RGPD3: variants seen among roughly 807,000 people sequenced by gnomAD.
RGPD3 encodes the protein RANBP2 like and GRIP domain containing 3.
A neutral mutation model predicts 154.5 loss-of-function variants in RGPD3; 62 were observed. The ratio of observed to expected loss-of-function variants is 0.40; its 90% CI spans 0.33 to 0.50. RGPD3 has a LOEUF of 0.50. Among genes scored for constraint, RGPD3 ranks in the 20% least tolerant of loss-of-function variants. The probability of loss-of-function intolerance (pLI) is 0.59; values close to 1 mark genes in which losing one functional copy is unlikely to be tolerated. For synonymous variants in RGPD3, 308 were observed against 607.0 expected (o/e 0.51, Z 7.24); for missense variants, 919 against 1,716.8 (o/e 0.54, Z 8.21).
At chr2:106,462,534 T>C (rs1678433809) in intron 1 of RGPD3, among the ~76,000 whole-genome samples, 1 of 151,420 alleles carries the variant, frequency 6.6e-6, no homozygotes, top group African/African-American at 2.4e-5. Flanking sequence ...CTGCCAAATA[T>C]CAAGAACTGA....
rs1274994185 is a variant in RGPD3, at chr2:106,403,869, C to G, written c.*1350G>C. ...GTTCTGTGTAACCAAAGTGCAAAGT[C>G]AGTTCCCCAGCTCAGAAAGAAAATT... is the stretch of plus-strand genomic sequence containing the variant. On this transcript the variant is annotated 3_prime_UTR_variant, in exon 23 of 23. Transcript: ENST00000409886. 6.6e-6 allele frequency among the ~76,000 whole-genome samples: 1 copy of G among 152,232 alleles called. No homozygotes were observed. The highest frequency in any genetic ancestry group is 6.5e-5 in the Admixed American group (1 of 15,288).
intron 9 of RGPD3, among the ~76,000 whole-genome samples, chr2:106,438,546 C>A (rs926675184): frequency 5.3e-5 from 8 of 150,712 alleles, no homozygotes; most frequent in Non-Finnish European, 1.0e-4. Flanking sequence ...CTTTGGGAGG[C>A]CAAGGCAGGT....
At chr2:106,419,537 A>T (rs1176317175) in intron 20 of RGPD3, among the ~76,000 whole-genome samples, 1 of 152,198 alleles carries the variant, frequency 6.6e-6, no homozygotes, top group African/African-American at 2.4e-5. Context: ...AACACGAAAC[A>T]AATCTGGTGA....
In RGPD3 at chr2:106,440,845, A is replaced by G. The variant is rs372460389; in HGVS notation, c.1066+448T>C. Reference sequence around the variant, plus strand: ...CAAAAATGGGGGAAAAAATCCACAAATTCCAAGAGCCTAATATAAGGTAAG... The same window carrying G: ...CAAAAATGGGGGAAAAAATCCACAAGTTCCAAGAGCCTAATATAAGGTAAG... On this transcript the variant is annotated intron_variant, in intron 8 of 22. Transcript: ENST00000409886. 7.1e-3 allele frequency among the ~76,000 whole-genome samples: 667 copies of G among 93,702 alleles called. 14 individuals are homozygous for G. Among genetic ancestry groups the G allele is most frequent in the African/African-American group, 0.027 (647 of 23,884 alleles). The allele number at this position is 93,702 out of a possible 152,430, so 61.5% of individuals were successfully genotyped here. A position where few individuals can be genotyped will look rare whatever the true frequency, so the allele number is the denominator to read the frequency against.
chr2:106,430,274 T>C (rs1280810497), intron 17 of RGPD3, among the ~76,000 whole-genome samples: 1 of 151,556 alleles, frequency 6.6e-6, no homozygotes, highest in Admixed American at 6.6e-5. Context: ...GTTAAAAATT[T>C]ATCTGCTCCC....
chr2:106,412,321 T>TTTG (rs1558833079), intron 22 of RGPD3, among the ~76,000 whole-genome samples: 6 of 99,978 alleles, frequency 6.0e-5, no homozygotes, highest in East Asian at 7.9e-4. Flanking sequence ...TTTTTTTTTT[T>TTTG]TTTTTTTTTT....
At chr2:106,412,682 G>A (rs74459598) in intron 22 of RGPD3, 309 of 454,510 alleles carry the variant, frequency 6.8e-4, no homozygotes, top group African/African-American at 5.7e-3. Context: ...GGGCTCTATG[G>A]CTCCATTGTC....
intron 1 of RGPD3, among the ~76,000 whole-genome samples, chr2:106,464,119 G>A (rs1225681563): frequency 6.6e-6 from 1 of 152,118 alleles, no homozygotes; most frequent in Non-Finnish European, 1.5e-5. Context: ...GCTGAGGCAG[G>A]CGGATCATGA....
intron 22 of RGPD3, among the ~76,000 whole-genome samples, chr2:106,409,767 A>G (rs937577259): frequency 6.6e-6 from 1 of 150,776 alleles, no homozygotes; most frequent in Admixed American, 6.6e-5. Context: ...CTCCTTTTAG[A>G]ACTTCGATTA....
chr2:106,404,711 A>G lies in RGPD3; in HGVS notation c.*508T>C, dbSNP rs374157788. Among the ~76,000 whole-genome samples, 1,917 of 66,572 alleles carry G rather than the reference A, an allele frequency of 0.029. 24 individuals are homozygous for G. The highest frequency in any genetic ancestry group is 0.086 in the Middle Eastern group (12 of 140). The allele number at this position is 66,572 out of a possible 152,430, so 43.7% of individuals were successfully genotyped here. Reference sequence around the variant, plus strand: ...TACAATCACAGCTCACTAGCCTCAAACGATTCTCCAGCCTCAGCCTCCCCA... The same window carrying G: ...TACAATCACAGCTCACTAGCCTCAAGCGATTCTCCAGCCTCAGCCTCCCCA... On this transcript the variant is annotated 3_prime_UTR_variant, in exon 23 of 23. Transcript: ENST00000409886.
At position 106,415,878 on chromosome 2, in the gene RGPD3, G is replaced by A. The variant is rs765206295; in HGVS notation, c.5036C>T (p.Thr1679Ile). 6.8e-6 allele frequency: 11 copies of A among 1,611,854 alleles called. No individual in the cohort carries two copies. In the Admixed American group the frequency reaches 1.3e-4, roughly 20 times the overall value. Residue 1679 changes from threonine (T) to isoleucine (I), a missense_variant, in exon 21 of 23, where the codon ACC (threonine) becomes ATC (isoleucine). Transcript: ENST00000409886. ...AATTTGCTCCATAAGGACTGCATTG[G>A]TTGCCTCTATTTCCCGAAGCAGGCC... The part of the protein sequence containing the change: ...LNGLLREIEA[T>I]NAVLMEQIKL...
intron 17 of RGPD3, among the ~76,000 whole-genome samples, chr2:106,432,278 C>A (rs1361288870): frequency 6.8e-6 from 1 of 148,082 alleles, no homozygotes; most frequent in Admixed American, 6.9e-5. Flanking sequence ...CATGGTGAAA[C>A]TCTGTGTCTA....
At chr2:106,407,338 T>C (rs1374824905) in intron 22 of RGPD3, among the ~76,000 whole-genome samples, 2 of 152,148 alleles carry the variant, frequency 1.3e-5, no homozygotes, top group East Asian at 3.9e-4. Flanking sequence ...GCCTACTGGC[T>C]CTCAAGGGGA....
At chr2:106,448,794 G>T (rs1044624108) in intron 6 of RGPD3, among the ~76,000 whole-genome samples, 1 of 151,864 alleles carries the variant, frequency 6.6e-6, no homozygotes, top group African/African-American at 2.4e-5. Context: ...AGGTTCAAGC[G>T]ATTCTTCTGC....
chr2:106,467,022 G>GCCGCCT (rs1436571119), intron 1 of RGPD3, among the ~76,000 whole-genome samples: 1 of 126,026 alleles, frequency 7.9e-6, no homozygotes, highest in Non-Finnish European at 1.7e-5. Context: ...GGCCGCCGCC[G>GCCGCCT]CCGCCTCAAC....
chr2:106,445,301 T>A (rs1446300195), intron 7 of RGPD3, among the ~76,000 whole-genome samples: 859 of 145,230 alleles, frequency 5.9e-3, no homozygotes, highest in African/African-American at 0.019. Flanking sequence ...AAAAAAAAAA[T>A]AAAATAAATA....
chr2:106,446,721 A>G (rs1298278237), intron 7 of RGPD3, among the ~76,000 whole-genome samples: 1 of 149,528 alleles, frequency 6.7e-6, no homozygotes, highest in Non-Finnish European at 1.5e-5. Context: ...TCTCTATTAA[A>G]AATACAAAAA....
intron 21 of RGPD3, among the ~76,000 whole-genome samples, chr2:106,414,515 A>G (rs1965055): frequency 0.21 from 28,604 of 133,624 alleles, 3,297 homozygotes; most frequent in East Asian, 0.58. Flanking sequence ...TCAGCTACTC[A>G]GGAGGCTGAG....
At chr2:106,409,994 G>T (rs1410940298) in intron 22 of RGPD3, among the ~76,000 whole-genome samples, 61 of 149,584 alleles carry the variant, frequency 4.1e-4, no homozygotes, top group African/African-American at 1.5e-3. Flanking sequence ...TCCTACCTCA[G>T]CCTCCCAAGT....
Sources: allele counts gnomAD v4.1 joint callset (sites outside exome capture counted in the v4.1 genomes callset), GRCh38; gene constraint gnomAD v4.1.1; transcripts MANE v1.5; gene names NCBI Gene and HGNC (gene_info 2026-07-23, HGNC 2026-07-21).